MRC1: variants seen among roughly 807,000 people sequenced by gnomAD.
The protein encoded by MRC1 is mannose receptor C-type 1, also known as macrophage mannose receptor 1.
Under a neutral mutation model 102.9 loss-of-function variants are expected in MRC1, and 62 were observed. That is an observed-to-expected ratio of 0.60 (90% CI 0.49 to 0.74). MRC1 has a LOEUF of 0.74. Among genes scored for constraint, MRC1 ranks in the 30% least tolerant of loss-of-function variants. The probability of loss-of-function intolerance (pLI) is 0.00; values close to 1 mark genes in which losing one functional copy is unlikely to be tolerated. For missense variants in MRC1, 1,237 were observed against 862.8 expected (o/e 1.43, Z -5.43); for synonymous variants, 457 against 298.4 (o/e 1.53, Z -5.48).
At chr10:17,848,028 G>C (rs1838852317) in intron 6 of MRC1, among the ~76,000 whole-genome samples, 1 of 149,564 alleles carries the variant, frequency 6.7e-6, no homozygotes, top group Non-Finnish European at 1.5e-5. Context: ...TACAGCATTT[G>C]AGCCTCATGA....
At chr10:17,856,959 A>G (rs2130653986) in intron 9 of MRC1, among the ~76,000 whole-genome samples, 1 of 152,308 alleles carries the variant, frequency 6.6e-6, no homozygotes, top group East Asian at 1.9e-4. Flanking sequence ...ATGAAAACAC[A>G]GGGTTTATGG....
At chr10:17,853,231 A>T in intron 8 of MRC1, 107 bp downstream of exon 8, 1 of 741,396 alleles carries the variant, frequency 1.3e-6, no homozygotes, top group Non-Finnish European at 2.5e-6. Flanking sequence ...ATTCTACATA[A>T]ATTGGCATGG....
intron 1 of MRC1, among the ~76,000 whole-genome samples, chr10:17,819,290 G>A (rs1026938488): frequency 2.6e-5 from 4 of 152,118 alleles, no homozygotes; most frequent in African/African-American, 4.8e-5. Context: ...AGTCAGGCCC[G>A]GCTCCTCCCA....
intron 16 of MRC1, among the ~76,000 whole-genome samples, 168 bp from the exon 17 acceptor site, chr10:17,874,922 G>T (rs1441217001): frequency 6.6e-6 from 1 of 152,166 alleles, no homozygotes; most frequent in Non-Finnish European, 1.5e-5. Flanking sequence ...TTTGGGCTGG[G>T]GTTCAGATGT....
chr10:17,846,530 A>T (rs1457233218), intron 6 of MRC1, among the ~76,000 whole-genome samples: 8 of 152,188 alleles, frequency 5.3e-5, no homozygotes, highest in Non-Finnish European at 1.0e-4. Context: ...ATACAACATG[A>T]TAAATAATAA....
At chr10:17,900,619 C>T (rs1424306893) in intron 24 of MRC1, among the ~76,000 whole-genome samples, 169 bp from the exon 25 acceptor site, 1 of 152,102 alleles carries the variant, frequency 6.6e-6, no homozygotes, top group Non-Finnish European at 1.5e-5. Context: ...GCTGCATGTA[C>T]TGAATTTGAG....
rs1022852704 is a variant in MRC1, at chr10:17,891,458, G to A, written c.3148-2752G>A. Among the ~76,000 whole-genome samples, 4 of 152,054 alleles carry A rather than the reference G, an allele frequency of 2.6e-5. No homozygotes were observed. In the East Asian group the frequency reaches 5.8e-4, roughly 22 times the overall value. On this transcript the variant is annotated intron_variant, in intron 22 of 29. Transcript: ENST00000569591. ...TGGGATTACAGGCGTGAGCCATTGC[G>A]CCCGGTGCTCATTATTTTATTACAT...
At chr10:17,847,056 TC>T (rs1231434493) in intron 6 of MRC1, among the ~76,000 whole-genome samples, 1 of 152,224 alleles carries the variant, frequency 6.6e-6, no homozygotes, top group African/African-American at 2.4e-5. Context: ...GGTTTGATTA[TC>T]CTTTACAGGC....
At chr10:17,878,732 A>G (rs1320715195) in intron 18 of MRC1, among the ~76,000 whole-genome samples, 2 of 151,822 alleles carry the variant, frequency 1.3e-5, no homozygotes, top group African/African-American at 4.8e-5. Context: ...GGGTGATCAC[A>G]GCTCACTACA....
rs970610276 is a variant in MRC1 at position 17,861,301 on chromosome 10, A to G, written c.1519-86A>G. 1.5e-5 allele frequency: 10 copies of G among 667,088 alleles called. No individual in the cohort carries two copies. In the African/African-American group the frequency reaches 1.9e-4, roughly 12 times the overall value. The allele number at this position is 667,088 out of a possible 1,614,324, so 41.3% of individuals were successfully genotyped here. On this transcript the variant is annotated intron_variant, in intron 9 of 29. Transcript: ENST00000569591. Reference sequence around the variant, plus strand: ...GTACTCCAGCCTGGGCGACAAGAGCAAAACTGCATCTCAAATAATAATAAT... The same window carrying G: ...GTACTCCAGCCTGGGCGACAAGAGCGAAACTGCATCTCAAATAATAATAAT...
At chr10:17,898,750 T>A (rs979692732) in intron 24 of MRC1, among the ~76,000 whole-genome samples, 5 of 152,198 alleles carry the variant, frequency 3.3e-5, no homozygotes, top group Admixed American at 2.6e-4. Context: ...CAGTTCCTTG[T>A]ATTCCATAAT....
At chr10:17,907,474 A>G in intron 27 of MRC1, 60 bp from the exon 28 acceptor site, 1 of 778,672 alleles carries the variant, frequency 1.3e-6, no homozygotes, top group Non-Finnish European at 2.4e-6. Flanking sequence ...AATTGGCTGA[A>G]CTTATTTTAA....
At chr10:17,811,729 C>A (rs1439154316) in intron 1 of MRC1, among the ~76,000 whole-genome samples, 5 of 152,020 alleles carry the variant, frequency 3.3e-5, no homozygotes, top group Admixed American at 6.6e-5. Context: ...GCCACTATGC[C>A]AGGCTAATTT....
intron 26 of MRC1, among the ~76,000 whole-genome samples, chr10:17,905,646 G>A (rs1275257264): frequency 2.0e-5 from 3 of 151,580 alleles, no homozygotes; most frequent in African/African-American, 4.8e-5. Context: ...ATTTTGAAAC[G>A]GCTAATGTTT....
chr10:17,863,432 A>G (rs1833214112), intron 10 of MRC1, 102 bp from the exon 11 acceptor site: 2 of 759,060 alleles, frequency 2.6e-6, no homozygotes, highest in South Asian at 1.4e-5. Context: ...CAGTTCAGTT[A>G]TAGCTCAAAC....
At chr10:17,832,649 G>A (rs1455332119) in intron 3 of MRC1, among the ~76,000 whole-genome samples, 4 of 149,408 alleles carry the variant, frequency 2.7e-5, no homozygotes, top group Non-Finnish European at 5.9e-5. Context: ...GTGCAGTGAC[G>A]CGATCTCGGC....
Position 17,850,416 on chromosome 10 carries a change from C to T in MRC1, c.1249+652C>T, listed in dbSNP as rs1321828394. On this transcript the variant is annotated intron_variant, in intron 7 of 29. Coordinates refer to ENST00000569591, the MANE Select transcript of MRC1 (RefSeq NM_002438.4). ...AGGAGTTTGAGGCCAGTCCAGGGAA[C>T]ATAGCAAGACCTCGTCTCTACTAAA... Among the ~76,000 whole-genome samples the T allele has an allele frequency of 4.6e-5, 7 of 152,028 alleles. No homozygotes were observed. The East Asian group carries it at 9.7e-4, about 21-fold the overall frequency.
intron 3 of MRC1, among the ~76,000 whole-genome samples, chr10:17,833,053 T>C (rs1030906653): frequency 1.4e-5 from 2 of 142,698 alleles, no homozygotes; most frequent in Admixed American, 7.0e-5. Flanking sequence ...CCAAGGTCTA[T>C]TGTCTTTATA....
intron 1 of MRC1, among the ~76,000 whole-genome samples, chr10:17,815,534 C>G (rs960571627): frequency 6.6e-6 from 1 of 152,252 alleles, no homozygotes; most frequent in Non-Finnish European, 1.5e-5. Flanking sequence ...GTAGGGCGGT[C>G]AGCAGGAGGA....
Sources: allele counts gnomAD v4.1 joint callset (sites outside exome capture counted in the v4.1 genomes callset), GRCh38; gene constraint gnomAD v4.1.1; transcripts MANE v1.5; gene names NCBI Gene and HGNC (gene_info 2026-07-23, HGNC 2026-07-21).